Variants in PCYOX1 observed in about 807,000 individuals in gnomAD.
PCYOX1 encodes the protein prenylcysteine lyase.
Under a neutral mutation model 46.4 loss-of-function variants are expected in PCYOX1, and 46 were observed. That is an observed-to-expected ratio of 0.99 (90% confidence interval 0.78 to 1.27). PCYOX1 has a LOEUF of 1.27. Among genes scored for constraint, PCYOX1 ranks in the 50% most tolerant of loss-of-function variants. PCYOX1 has a pLI of 0.00. For synonymous variants in PCYOX1, 220 were observed against 231.8 expected, an observed-to-expected ratio of 0.95 and a Z score of 0.46; for missense variants, 658 against 628.3, an observed-to-expected ratio of 1.05 and a Z score of -0.51.
rs1451303383 is a variant in PCYOX1 at position 70,280,226 on chromosome 2, A to G, written c.*2834A>G. 2 of 152,162 alleles carry G rather than the reference A, an allele frequency of 1.3e-5. No individual in the cohort carries two copies. The highest frequency in any genetic ancestry group is 2.9e-5 in the Non-Finnish European group (2 of 68,006). The allele number at this position is 152,162 out of a possible 1,614,324, so 9.4% of individuals were successfully genotyped here. ...GACATCAAGTAGTTTTAATGCAACT[A>G]CAGTGTTGAGTGCTTTTTTACTGGG... is the stretch of plus-strand genomic sequence containing the variant. On this transcript the variant is annotated 3_prime_UTR_variant, in exon 6 of 6. Coordinates refer to ENST00000433351, the MANE Select transcript of PCYOX1 (RefSeq NM_016297.4).
intron 3 of PCYOX1, among the ~76,000 whole-genome samples, chr2:70,264,923 C>T (rs962832939): frequency 5.3e-5 from 8 of 151,822 alleles, no homozygotes; most frequent in African/African-American, 4.8e-5. Flanking sequence ...GCAGTAGAAT[C>T]GCTTGAACCC....
rs1400816845 is a variant in PCYOX1, at chr2:70,275,069, C to T, written c.605C>T (p.Thr202Ile). 1.2e-6 allele frequency: 2 copies of T among 1,614,042 alleles called. No individual in the cohort carries two copies. Among genetic ancestry groups the T allele is most frequent in the East Asian group, 2.2e-5 (1 of 44,878 alleles). Residue 202 changes from threonine (T) to isoleucine (I), a missense_variant, in exon 4 of 6, where the codon ACC becomes ATC. Physicochemically the swap from Thr to Ile is moderately conservative, Grantham distance 89 (BLOSUM62 -1). Transcript: ENST00000433351. Reference protein sequence around the residue: ...LGMLNRTLLETLQKAGFSEKF... With the variant: ...LGMLNRTLLEILQKAGFSEKF... Reference sequence around the variant, plus strand: ...ATGCTTAATCGAACACTTCTTGAAACCTTGCAAAAGGCCGGCTTTTCTGAG... The same window carrying T: ...ATGCTTAATCGAACACTTCTTGAAATCTTGCAAAAGGCCGGCTTTTCTGAG...
Position 70,258,169 on chromosome 2 carries a change from G to A in PCYOX1, c.5G>A (p.Gly2Glu). M[G>E]RVVAELVSSL... ...GCTGCAGAGCTTGTGGAGGCCATGGGGCGCGTCGTCGCGGAGCTCGTCTCC... is the reference window on the plus strand; with the variant it reads ...GCTGCAGAGCTTGTGGAGGCCATGGAGCGCGTCGTCGCGGAGCTCGTCTCC... Residue 2 changes from glycine to glutamate, a missense_variant, in exon 1 of 6, where the codon GGG (glycine) becomes GAG (glutamate). Physicochemically the swap from Gly to Glu is moderately conservative, Grantham distance 98 (BLOSUM62 -2). Coordinates refer to ENST00000433351, the MANE Select transcript of PCYOX1 (RefSeq NM_016297.4). The A allele has an allele frequency of 6.3e-7, 1 of 1,594,956 alleles. No homozygotes were observed. Among genetic ancestry groups the A allele is most frequent in the Non-Finnish European group, 8.5e-7 (1 of 1,175,870 alleles).
chr2:70,269,496 T>A (rs1298959381), intron 3 of PCYOX1, among the ~76,000 whole-genome samples: 8 of 151,562 alleles, frequency 5.3e-5, no homozygotes, highest in Non-Finnish European at 2.9e-5. Context: ...CCACCAACCC[T>A]GGCTAATTTT....
At chr2:70,258,083 C>CG, upstream of PCYOX1, 2 of 1,152,120 alleles carry the variant, frequency 1.7e-6, no homozygotes, top group Non-Finnish European at 2.4e-6. Flanking sequence ...GGCCTGGGGG[C>CG]GGGGCTGGGC....
chr2:70,275,129 G>T lies in PCYOX1; in HGVS notation c.665G>T (p.Arg222Met), dbSNP rs372696710. ...AATGAAATGATTGCTCCTGTTATGA[G>T]GGTCAATTATGGCCAAAGCACGGAC... The part of the protein sequence containing the change: ...FLNEMIAPVM[R>M]VNYGQSTDIN... Residue 222 changes from arginine to methionine, a missense_variant, in exon 4 of 6, where the codon AGG becomes ATG. By Grantham distance (91) the Arg-to-Met change is moderately conservative. Coordinates refer to ENST00000433351, the MANE Select transcript of PCYOX1 (RefSeq NM_016297.4). 6.2e-7 allele frequency: 1 copy of T among 1,614,166 alleles called. No homozygotes were observed. Among genetic ancestry groups the T allele is most frequent in the Admixed American group, 1.7e-5 (1 of 60,018 alleles).
At chr2:70,272,733 C>T (rs377150677) in intron 3 of PCYOX1, among the ~76,000 whole-genome samples, 6 of 151,986 alleles carry the variant, frequency 3.9e-5, no homozygotes, top group Non-Finnish European at 5.9e-5. Context: ...GAGTCTTGCT[C>T]TGTCATCCAG....
chr2:70,271,959 T>G (rs1034475944), intron 3 of PCYOX1, among the ~76,000 whole-genome samples: 1 of 152,236 alleles, frequency 6.6e-6, no homozygotes, highest in African/African-American at 2.4e-5. Flanking sequence ...ACTCAATACC[T>G]GAAGGTTCAC....
At position 70,276,863 on chromosome 2, in the gene PCYOX1, A is replaced by G. The variant is rs1369048794; in HGVS notation, c.989A>G (p.Asp330Gly). Residue 330 changes from aspartate (D) to glycine (G), a missense_variant, in exon 6 of 6, where the codon GAT (aspartate) becomes GGT (glycine). Transcript: ENST00000433351. The stretch of plus-strand genomic sequence containing the variant: ...TCGAATATTACTTTTCTCAACTTTG[A>G]TCCTCCAATTGAGGAATTCCATCAA... ...KMSNITFLNF[D>G]PPIEEFHQYY... 1.9e-6 allele frequency: 3 copies of G among 1,613,592 alleles called. No homozygotes were observed. Among genetic ancestry groups the G allele is most frequent in the Admixed American group, 1.7e-5 (1 of 60,000 alleles).
At chr2:70,272,349 A>T (rs144569974) in intron 3 of PCYOX1, among the ~76,000 whole-genome samples, 6,839 of 151,384 alleles carry the variant, frequency 0.045, 501 homozygotes, top group African/African-American at 0.16. Flanking sequence ...CTGGTCTCAA[A>T]CTCCTGACCT....
intron 5 of PCYOX1, among the ~76,000 whole-genome samples, 169 bp downstream of exon 5, chr2:70,275,835 A>G (rs1223575431): frequency 6.6e-6 from 1 of 152,166 alleles, no homozygotes; most frequent in Non-Finnish European, 1.5e-5. Context: ...ACGGTGGCTC[A>G]TGCCTGTAAT....
chr2:70,269,194 T>TC (rs1553473689), intron 3 of PCYOX1, among the ~76,000 whole-genome samples: 1,867 of 151,472 alleles, frequency 0.012, 42 homozygotes, highest in African/African-American at 0.043. Context: ...TTTTTTTTTT[T>TC]CAGATGATGT....
intron 3 of PCYOX1, among the ~76,000 whole-genome samples, chr2:70,270,117 C>G (rs1026528117): frequency 2.0e-5 from 3 of 152,100 alleles, no homozygotes; most frequent in African/African-American, 7.2e-5. Context: ...GCCTCAGCCT[C>G]CTGAATAGCT....
chr2:70,269,334 ATTTT>A (rs745493965), intron 3 of PCYOX1, among the ~76,000 whole-genome samples: 1 of 131,696 alleles, frequency 7.6e-6, no homozygotes. Flanking sequence ...TGCCCAGCTA[ATTTT>A]TTTTTTTTTT....
Position 70,261,196 on chromosome 2 carries a change from C to CT in PCYOX1, c.320-13dup, listed in dbSNP as rs1473521857. The CT allele has an allele frequency of 1.3e-6, 2 of 1,587,606 alleles. No individual in the cohort carries two copies. The highest frequency in any genetic ancestry group is 2.2e-5 in the South Asian group (2 of 90,016). On this transcript the variant is annotated splice_polypyrimidine_tract_variant and intron_variant, in intron 2 of 5. Transcript: ENST00000433351. The stretch of plus-strand genomic sequence containing the variant: ...CATAGACACCACTGACTTAGCTGTG[C>CT]TTTATGTTTTTGCAGGTCTCTCTGC...
Position 70,259,532 on chromosome 2 carries a change from A to C in PCYOX1, c.285A>C (p.Leu95Phe). The C allele has an allele frequency of 8.7e-6, 14 of 1,614,060 alleles. No individual in the cohort carries two copies. The highest frequency in any genetic ancestry group is 1.2e-5 in the Non-Finnish European group (14 of 1,179,994). ...YEAGGSVIHPLNLHMKRFVKD... is the reference protein window; with the variant it reads ...YEAGGSVIHPFNLHMKRFVKD... ...CAGGAGGTTCTGTCATCCATCCTTT[A>C]AATCTGCACATGAAACGTTTTGTCA... is the stretch of plus-strand genomic sequence containing the variant. The change falls in exon 2 of 6, where the codon TTA becomes TTC. Residue 95 changes from leucine (L) to phenylalanine (F), a missense_variant. Transcript: ENST00000433351.
Position 70,277,084 on chromosome 2 carries a change from G to A in PCYOX1, c.1210G>A (p.Val404Ile), listed in dbSNP as rs535546126. 132 of 1,613,948 alleles carry A rather than the reference G, an allele frequency of 8.2e-5. 2 individuals carry two copies. The South Asian group carries it at 1.3e-3, about 16-fold the overall frequency. Reference protein sequence around the residue: ...DPEPSTDGTYVWKIFSQETLT... With the variant: ...DPEPSTDGTYIWKIFSQETLT... ...TGAGCCATCAACAGATGGAACATAT[G>A]TTTGGAAGATCTTTTCCCAAGAAAC... The change falls in exon 6 of 6, where the codon GTT becomes ATT. Residue 404 changes from valine to isoleucine, a missense_variant. Coordinates refer to ENST00000433351, the MANE Select transcript of PCYOX1 (RefSeq NM_016297.4).
chr2:70,264,550 C>T (rs1457911933), intron 3 of PCYOX1, among the ~76,000 whole-genome samples: 2 of 151,420 alleles, frequency 1.3e-5, no homozygotes. Context: ...TGGTCTCAAA[C>T]TCCTGGCCTT....
At position 70,280,514 on chromosome 2, in the gene PCYOX1, G is replaced by A. The variant is rs1696757634; in HGVS notation, c.*3122G>A. 1 of 152,160 alleles carries A rather than the reference G, an allele frequency of 6.6e-6. No individual in the cohort carries two copies. The highest frequency in any genetic ancestry group is 2.4e-5 in the African/African-American group (1 of 41,430). The allele number at this position is 152,160 out of a possible 1,614,324, so 9.4% of individuals were successfully genotyped here. A position where few individuals can be genotyped will look rare whatever the true frequency, so the allele number is the denominator to read the frequency against. ...AGGCTCCACCCTGTTTATTCAATAAGTTTGTTATGGGATATAAGAAGATGC... is the reference window on the plus strand; with the variant it reads ...AGGCTCCACCCTGTTTATTCAATAAATTTGTTATGGGATATAAGAAGATGC... On this transcript the variant is annotated 3_prime_UTR_variant, in exon 6 of 6. Transcript: ENST00000433351.
Sources: allele counts gnomAD v4.1 joint callset (sites outside exome capture counted in the v4.1 genomes callset), GRCh38; gene constraint gnomAD v4.1.1; transcripts MANE v1.5; gene names NCBI Gene and HGNC (gene_info 2026-07-23, HGNC 2026-07-21).